CALCR: variants seen among roughly 807,000 people sequenced by gnomAD.
CALCR encodes calcitonin receptor.
A neutral mutation model predicts 59.5 loss-of-function variants in CALCR; 47 were observed. That is an observed-to-expected ratio of 0.79 (90% confidence interval 0.63 to 1.01). The LOEUF (loss-of-function observed/expected upper bound fraction) is 1.01, where lower values mean the gene tolerates loss of function less well. Among genes scored for constraint, CALCR ranks in the 50% least tolerant of loss-of-function variants. CALCR has a pLI of 0.00. For synonymous variants in CALCR, 213 were observed against 211.3 expected, an observed-to-expected ratio of 1.01 and a Z score of -0.07; for missense variants, 566 against 597.1, an observed-to-expected ratio of 0.95 and a Z score of 0.54.
At chr7:93,541,654 C>T (rs1040871933) in intron 2 of CALCR, among the ~76,000 whole-genome samples, 2 of 152,128 alleles carry the variant, frequency 1.3e-5, no homozygotes, top group African/African-American at 4.8e-5. Flanking sequence ...GGCTAGAGGA[C>T]ACCACAAGAT....
chr7:93,513,518 T>C (rs1422360186), intron 2 of CALCR, among the ~76,000 whole-genome samples: 2 of 152,098 alleles, frequency 1.3e-5, no homozygotes, highest in South Asian at 4.1e-4. Flanking sequence ...GTATGTATTA[T>C]AAAATGTAAT....
At chr7:93,543,364 C>T (rs893943758) in intron 2 of CALCR, among the ~76,000 whole-genome samples, 9 of 152,050 alleles carry the variant, frequency 5.9e-5, no homozygotes, top group African/African-American at 1.9e-4. Flanking sequence ...AGGCTGGTCT[C>T]GAACTCCTGA....
intron 7 of CALCR, 69 bp downstream of exon 7, chr7:93,468,646 G>T: frequency 9.1e-7 from 1 of 1,094,200 alleles, no homozygotes; most frequent in Non-Finnish European, 1.4e-6. Flanking sequence ...CTCCACTCTT[G>T]CAGAATTCAC....
At chr7:93,521,550 A>G (rs556036278) in intron 2 of CALCR, among the ~76,000 whole-genome samples, 1 of 152,332 alleles carries the variant, frequency 6.6e-6, no homozygotes, top group East Asian at 1.9e-4. Context: ...ACTGCTGACA[A>G]GTAAAAATTA....
intron 2 of CALCR, among the ~76,000 whole-genome samples, chr7:93,498,061 A>G (rs1266981196): frequency 6.6e-6 from 1 of 151,642 alleles, no homozygotes; most frequent in African/African-American, 2.4e-5. Context: ...CAGAATTTCT[A>G]CTCTAAGACC....
intron 7 of CALCR, among the ~76,000 whole-genome samples, chr7:93,466,636 T>G (rs1247008920): frequency 2.0e-5 from 3 of 151,828 alleles, no homozygotes; most frequent in African/African-American, 4.8e-5. Context: ...TAGGCTCAGA[T>G]GATAAATCAA....
rs540130683 is a variant in CALCR, at chr7:93,511,245, T to A, written c.-26-24238A>T. 6.6e-5 allele frequency among the ~76,000 whole-genome samples: 10 copies of A among 152,216 alleles called. No individual in the cohort carries two copies. In the South Asian group the frequency reaches 2.1e-3, roughly 32 times the overall value. On this transcript the variant is annotated intron_variant, in intron 2 of 13. Transcript: ENST00000426151. ...TAAGTTACTTCTGAGTGGGAAGGAA[T>A]GAATGGTGGATGAGATTGGAGAAGA...
intron 2 of CALCR, among the ~76,000 whole-genome samples, chr7:93,501,345 G>A (rs180846938): frequency 4.6e-5 from 7 of 152,128 alleles, no homozygotes; most frequent in Non-Finnish European, 8.8e-5. Context: ...GCCAGTTCAC[G>A]TTTAAAAAAT....
intron 2 of CALCR, among the ~76,000 whole-genome samples, chr7:93,507,795 C>T (rs546792137): frequency 4.3e-4 from 64 of 148,590 alleles, no homozygotes; most frequent in African/African-American, 1.5e-3. Context: ...TGGTGGCGGG[C>T]GCCTGTAGTC....
At chr7:93,527,067 G>C (rs1022595359) in intron 2 of CALCR, among the ~76,000 whole-genome samples, 3 of 151,750 alleles carry the variant, frequency 2.0e-5, no homozygotes, top group African/African-American at 7.3e-5. Flanking sequence ...ATTATGAAAT[G>C]TATTTTTCTT....
intron 13 of CALCR, among the ~76,000 whole-genome samples, chr7:93,428,729 G>T (rs1799585476): frequency 6.6e-6 from 1 of 150,468 alleles, no homozygotes; most frequent in African/African-American, 2.5e-5. Flanking sequence ...GGAGCTTGCA[G>T]TGAGCCGAGA....
intron 2 of CALCR, among the ~76,000 whole-genome samples, chr7:93,524,992 A>G (rs1263221936): frequency 6.6e-6 from 1 of 152,186 alleles, no homozygotes; most frequent in Admixed American, 6.5e-5. Context: ...AAAAGAATCC[A>G]TGCCTGCAAC....
chr7:93,495,091 C>A (rs1450112970), intron 2 of CALCR, among the ~76,000 whole-genome samples: 1 of 151,196 alleles, frequency 6.6e-6, no homozygotes, highest in Non-Finnish European at 1.5e-5. Context: ...CTGACCTGAG[C>A]CTTAGAGAGT....
At chr7:93,538,336 A>G (rs1789046134) in intron 2 of CALCR, among the ~76,000 whole-genome samples, 1 of 151,996 alleles carries the variant, frequency 6.6e-6, no homozygotes, top group African/African-American at 2.4e-5. Flanking sequence ...TATTCCTAGC[A>G]TTTTTAGTGT....
chr7:93,498,876 T>G (rs1801265031), intron 2 of CALCR, among the ~76,000 whole-genome samples: 1 of 151,696 alleles, frequency 6.6e-6, no homozygotes, highest in African/African-American at 2.4e-5. Context: ...CCTTGTAACT[T>G]TTCAACTTCT....
chr7:93,468,584 A>G (rs1800486608), intron 7 of CALCR, 131 bp downstream of exon 7: 1 of 573,296 alleles, frequency 1.7e-6, no homozygotes, highest in Non-Finnish European at 3.1e-6. Context: ...TTGCTACTTC[A>G]TGACTCCTAA....
At chr7:93,549,698 A>G (rs1471063359) in intron 2 of CALCR, among the ~76,000 whole-genome samples, 2 of 152,244 alleles carry the variant, frequency 1.3e-5, no homozygotes, top group Non-Finnish European at 2.9e-5. Flanking sequence ...ATTAGGGTTT[A>G]GGGCTTGACG....
At chr7:93,437,941 A>G in intron 11 of CALCR, 119 bp downstream of exon 11, 1 of 953,972 alleles carries the variant, frequency 1.0e-6, no homozygotes, top group Non-Finnish European at 1.6e-6. Context: ...TTACTACAGA[A>G]TACCATCAAA....
intron 3 of CALCR, among the ~76,000 whole-genome samples, chr7:93,480,567 C>T (rs139279642): frequency 9.9e-5 from 15 of 151,922 alleles, no homozygotes; most frequent in African/African-American, 3.1e-4. Context: ...AGTTTCTAAA[C>T]AAAACTCATC....
Sources: gnomAD v4.1 joint callset for allele counts (sites outside exome capture counted in the v4.1 genomes callset) on GRCh38, gnomAD v4.1.1 for gene constraint, MANE v1.5 for transcripts, NCBI Gene and HGNC (gene_info 2026-07-23, HGNC 2026-07-21) for gene names.